The following ANKIB1 variants were observed in gnomAD, a reference collection of about 807,000 sequenced individuals.
The protein encoded by ANKIB1 is ankyrin repeat and IBR domain containing 1, also known as ankyrin repeat and IBR domain-containing protein 1.
A neutral mutation model predicts 122.1 loss-of-function variants in ANKIB1; 43 were observed. That is an observed-to-expected ratio of 0.35 (90% CI 0.28 to 0.45). The LOEUF is 0.45. Ranked by LOEUF, ANKIB1 falls within the 20% of genes least tolerant of loss-of-function variation. ANKIB1 has a pLI of 1.00. For synonymous variants in ANKIB1, 390 were observed against 442.0 expected, an observed-to-expected ratio of 0.88 and a Z score of 1.48; for missense variants, 992 against 1,329.5, an observed-to-expected ratio of 0.75 and a Z score of 3.95.
At chr7:92,393,186 A>T (rs1349447027) in intron 17 of ANKIB1, among the ~76,000 whole-genome samples, 2 of 152,102 alleles carry the variant, frequency 1.3e-5, no homozygotes, top group Non-Finnish European at 2.9e-5. Flanking sequence ...ACTGTGGCTT[A>T]TTTAAATCAG....
chr7:92,397,093 T>G (rs1804913814), intron 18 of ANKIB1, among the ~76,000 whole-genome samples: 1 of 152,156 alleles, frequency 6.6e-6, no homozygotes, highest in Admixed American at 6.6e-5. Flanking sequence ...TTAAGAAATC[T>G]AAAAATGAAA....
intron 9 of ANKIB1, among the ~76,000 whole-genome samples, chr7:92,358,173 C>T (rs1378611935): frequency 2.6e-5 from 4 of 151,798 alleles, no homozygotes; most frequent in East Asian, 2.0e-4. Context: ...ACCGAGGAGG[C>T]GGAGGTTACA....
chr7:92,271,644 G>A (rs1044287383), intron 1 of ANKIB1, among the ~76,000 whole-genome samples: 1 of 152,098 alleles, frequency 6.6e-6, no homozygotes, highest in Non-Finnish European at 1.5e-5. Flanking sequence ...GCAAATATAG[G>A]ATATTATAGG....
Position 92,398,599 on chromosome 7 carries a change from A to G in ANKIB1, c.2920A>G (p.Met974Val), listed in dbSNP as rs374019107. ...CAATGACAATCTTCTCGGCAACATC[A>G]TGGCTTGGTTTCATGACATGAACCC... ...NINDNLLGNI[M>V]AWFHDMNPQS... The change falls in exon 20 of 20, where the codon ATG (methionine) becomes GTG (valine). Residue 974 changes from methionine (M) to valine (V), a missense_variant. By Grantham distance (21) the Met-to-Val change is conservative (BLOSUM62 1). Coordinates refer to ENST00000265742, the MANE Select transcript of ANKIB1 (RefSeq NM_019004.2). The G allele has an allele frequency of 3.1e-6, 5 of 1,613,924 alleles. No individual in the cohort carries two copies. Among genetic ancestry groups the G allele is most frequent in the Non-Finnish European group, 4.2e-6 (5 of 1,179,868 alleles).
At position 92,295,060 on chromosome 7, in the gene ANKIB1, C is replaced by G; in HGVS notation, c.82C>G (p.Pro28Ala). The G allele has an allele frequency of 6.2e-7, 1 of 1,600,638 alleles. No individual in the cohort carries two copies. The highest frequency in any genetic ancestry group is 8.5e-7 in the Non-Finnish European group (1 of 1,173,348). The stretch of plus-strand genomic sequence containing the variant: ...GGCCTGCCAAATATATGAAAACAAT[C>G]CTCAGCTAAAAGAATCTCTTGATCC... ...NLACQIYENN[P>A]QLKESLDPNT... Residue 28 changes from proline to alanine, a missense_variant, in exon 2 of 20, where the codon CCT (proline) becomes GCT (alanine). Pro to Ala is a conservative substitution (Grantham distance 27, BLOSUM62 -1). This residue lies in a region of ANKIB1 where 54 missense variants were observed against 112.3 expected (regional missense o/e 0.48). Transcript: ENST00000265742.
At chr7:92,291,085 G>A (rs1214346041) in intron 1 of ANKIB1, among the ~76,000 whole-genome samples, 1 of 152,160 alleles carries the variant, frequency 6.6e-6, no homozygotes, top group Non-Finnish European at 1.5e-5. Flanking sequence ...CCTGAAGTCA[G>A]GAGTTCGAGA....
At chr7:92,352,880 T>A (rs1424241535) in intron 9 of ANKIB1, among the ~76,000 whole-genome samples, 1 of 152,200 alleles carries the variant, frequency 6.6e-6, no homozygotes, top group Admixed American at 6.5e-5. Flanking sequence ...GTTGAGTTGA[T>A]GTTATTATGC....
At chr7:92,383,409 C>G (rs557500996) in intron 11 of ANKIB1, among the ~76,000 whole-genome samples, 49 of 152,228 alleles carry the variant, frequency 3.2e-4, no homozygotes, top group South Asian at 6.2e-4. Context: ...GCAGCATCCT[C>G]ATACCAAAGC....
chr7:92,326,012 CT>C lies in ANKIB1; in HGVS notation c.670-1768del. Reference sequence around the variant, plus strand: ...CTTTGCAACAGGAAAGAGAAAGGTACTTTCATTTTAATCTGTCTTGCAGAAG... The same window carrying C: ...CTTTGCAACAGGAAAGAGAAAGGTACTTCATTTTAATCTGTCTTGCAGAAG... On this transcript the variant is annotated intron_variant, in intron 4 of 19. Transcript: ENST00000265742. 1.9e-5 allele frequency: 8 copies of C among 422,580 alleles called. 1 individual carries two copies. Among genetic ancestry groups the C allele is most frequent in the South Asian group, 1.4e-4 (8 of 58,118 alleles). 26.2% of individuals were successfully genotyped at this position (422,580 alleles called of 1,614,324 possible). A position where few individuals can be genotyped will look rare whatever the true frequency, so the allele number is the denominator to read the frequency against.
At chr7:92,290,473 T>G (rs998751327) in intron 1 of ANKIB1, among the ~76,000 whole-genome samples, 1 of 151,664 alleles carries the variant, frequency 6.6e-6, no homozygotes, top group Admixed American at 6.6e-5. Context: ...AGTTGTAGAT[T>G]TAAGGTTGTT....
intron 1 of ANKIB1, among the ~76,000 whole-genome samples, chr7:92,265,910 A>G (rs1234328562): frequency 6.6e-6 from 1 of 152,252 alleles, no homozygotes; most frequent in Non-Finnish European, 1.5e-5. Flanking sequence ...ATTTCAGAAC[A>G]GAGGTCAATA....
intron 11 of ANKIB1, among the ~76,000 whole-genome samples, chr7:92,380,516 C>T (rs1172677034): frequency 2.0e-5 from 3 of 152,150 alleles, no homozygotes; most frequent in Non-Finnish European, 4.4e-5. Context: ...CCAGGTGCCC[C>T]TCTGAGACGA....
rs1409072063 is a variant in ANKIB1, at chr7:92,353,379, A to G, written c.1397+737A>G. Among the ~76,000 whole-genome samples the G allele has an allele frequency of 3.9e-5, 6 of 152,324 alleles. No homozygotes were observed. In the South Asian group the frequency reaches 8.3e-4, roughly 21 times the overall value. On this transcript the variant is annotated intron_variant, in intron 9 of 19. Transcript: ENST00000265742. ...TGTAACTCTGAATACTCTTTTGACT[A>G]TATATGTGTCAGCCATCAGCACTCT...
rs980345197 is a variant in ANKIB1 at position 92,248,508 on chromosome 7, A to G, written c.-91+1989A>G. On this transcript the variant is annotated intron_variant, in intron 1 of 19. Transcript: ENST00000265742. Reference sequence around the variant, plus strand: ...TAAAAGTGCGAGCTCATTTTCATATATAAGTAGATGGAAGAACTATGAATT... The same window carrying G: ...TAAAAGTGCGAGCTCATTTTCATATGTAAGTAGATGGAAGAACTATGAATT... Among the ~76,000 whole-genome samples the G allele has an allele frequency of 2.0e-5, 3 of 152,240 alleles. 1 individual carries two copies. Among genetic ancestry groups the G allele is most frequent in the African/African-American group, 7.2e-5 (3 of 41,468 alleles).
chr7:92,314,613 C>T (rs1802755428), intron 3 of ANKIB1, among the ~76,000 whole-genome samples: 1 of 152,136 alleles, frequency 6.6e-6, no homozygotes, highest in African/African-American at 2.4e-5. Context: ...TTGTGGGCTA[C>T]CTATATTGGA....
At position 92,390,783 on chromosome 7, in the gene ANKIB1, C is replaced by T. The variant is rs11978229; in HGVS notation, c.2053-383C>T. ...AATTCCTTCAGCACTTTTATATAGTCTGCACTATGGCATCATGCATTTGCT... is the reference window on the plus strand; with the variant it reads ...AATTCCTTCAGCACTTTTATATAGTTTGCACTATGGCATCATGCATTTGCT... On this transcript the variant is annotated intron_variant, in intron 15 of 19. Transcript: ENST00000265742. 7.2e-3 allele frequency among the ~76,000 whole-genome samples: 1,092 copies of T among 152,274 alleles called. 11 individuals are homozygous for T. The highest frequency in any genetic ancestry group is 0.025 in the African/African-American group (1,040 of 41,558).
At position 92,249,602 on chromosome 7, in the gene ANKIB1, C is replaced by A. The variant is rs1585070219; in HGVS notation, c.-91+3083C>A. 4.6e-5 allele frequency among the ~76,000 whole-genome samples: 7 copies of A among 152,220 alleles called. No individual in the cohort carries two copies. In the East Asian group the frequency reaches 1.4e-3, roughly 29 times the overall value. ...GGGTGTGGTGGCACGCCCCTGTAATCCCAGCTACTTGGGAGGTGGAGGCAG... is the reference window on the plus strand; with the variant it reads ...GGGTGTGGTGGCACGCCCCTGTAATACCAGCTACTTGGGAGGTGGAGGCAG... On this transcript the variant is annotated intron_variant, in intron 1 of 19. Coordinates refer to ENST00000265742, the MANE Select transcript of ANKIB1 (RefSeq NM_019004.2).
chr7:92,297,778 A>G (rs1327115562), intron 2 of ANKIB1, among the ~76,000 whole-genome samples: 1 of 152,058 alleles, frequency 6.6e-6, no homozygotes, highest in African/African-American at 2.4e-5. Context: ...CTTGTTTTCT[A>G]CATTATATTC....
intron 11 of ANKIB1, among the ~76,000 whole-genome samples, chr7:92,377,389 A>G (rs1171373122): frequency 1.3e-5 from 2 of 152,156 alleles, no homozygotes; most frequent in South Asian, 2.1e-4. Context: ...AGATATTACA[A>G]TAGTAACATC....
Sources: gnomAD v4.1 joint callset for allele counts (sites outside exome capture counted in the v4.1 genomes callset) on GRCh38, gnomAD v4.1.1 for gene constraint, gnomAD v4.1.1 regional missense constraint, MANE v1.5 for transcripts, NCBI Gene and HGNC (gene_info 2026-07-23, HGNC 2026-07-21) for gene names.